Variants in TAFA1 observed in about 807,000 individuals in gnomAD.
TAFA1 encodes the protein TAFA chemokine like family member 1.
In TAFA1, 4 loss-of-function variants were observed where a neutral mutation model predicts 18.5. The ratio of observed to expected loss-of-function variants is 0.22; its 90% CI spans 0.11 to 0.49. TAFA1 has a LOEUF of 0.49. TAFA1 is among the 20% of genes least tolerant of loss of function. The pLI is 0.98. For synonymous variants in TAFA1, 56 were observed against 55.2 expected (o/e 1.01, Z -0.06); for missense variants, 147 against 169.0 (o/e 0.87, Z 0.72).
intron 2 of TAFA1, among the ~76,000 whole-genome samples, chr3:68,078,473 G>A (rs940842860): frequency 2.6e-5 from 4 of 152,276 alleles, no homozygotes; most frequent in Admixed American, 2.0e-4. Flanking sequence ...TTATTATCTT[G>A]AGATACGTCC....
intron 2 of TAFA1, among the ~76,000 whole-genome samples, chr3:68,360,113 A>G (rs1468118123): frequency 1.3e-5 from 2 of 151,918 alleles, no homozygotes; most frequent in African/African-American, 2.4e-5. Flanking sequence ...TTGAACAATA[A>G]AAGTACATAA....
chr3:68,130,171 A>T (rs193233967), intron 2 of TAFA1, among the ~76,000 whole-genome samples: 52 of 152,342 alleles, frequency 3.4e-4, no homozygotes, highest in African/African-American at 1.2e-3. Context: ...GAAGGTAAAG[A>T]ATTAGTGGAC....
intron 2 of TAFA1, among the ~76,000 whole-genome samples, chr3:68,157,544 A>T (rs1031599894): frequency 3.1e-4 from 47 of 152,198 alleles, no homozygotes; most frequent in African/African-American, 1.1e-3. Flanking sequence ...ATGTTTTCTA[A>T]TCAATAGAAA....
chr3:68,512,492 C>T (rs571508864), intron 3 of TAFA1, among the ~76,000 whole-genome samples: 1 of 152,190 alleles, frequency 6.6e-6, no homozygotes, highest in Admixed American at 6.6e-5. Flanking sequence ...GAAGTTCATG[C>T]AATGGCCTGT....
intron 2 of TAFA1, among the ~76,000 whole-genome samples, chr3:68,036,741 C>T (rs941046582): frequency 3.9e-5 from 6 of 152,088 alleles, no homozygotes; most frequent in African/African-American, 1.4e-4. Context: ...ATCTATCTGC[C>T]CTGCCCCCAA....
intron 2 of TAFA1, chr3:68,250,983 T>C (rs1037708955): frequency 5.3e-5 from 8 of 152,128 alleles, no homozygotes; most frequent in Non-Finnish European, 1.0e-4. Context: ...CTTTCAACTT[T>C]TCATTGCTTT....
At chr3:68,484,602 G>T (rs2106665002) in intron 3 of TAFA1, among the ~76,000 whole-genome samples, 1 of 152,294 alleles carries the variant, frequency 6.6e-6, no homozygotes, top group Admixed American at 6.5e-5. Context: ...CTGGGCAGAA[G>T]CAGAATGAGG....
chr3:68,067,184 A>G (rs1032165361), intron 2 of TAFA1, among the ~76,000 whole-genome samples: 1 of 152,194 alleles, frequency 6.6e-6, no homozygotes, highest in Admixed American at 6.5e-5. Flanking sequence ...TCCTTGTGAC[A>G]TCTACATTTT....
intron 2 of TAFA1, among the ~76,000 whole-genome samples, chr3:68,370,023 T>A (rs1312655030): frequency 6.6e-6 from 1 of 151,580 alleles, no homozygotes; most frequent in Non-Finnish European, 1.5e-5. Flanking sequence ...GTGTGGTGGC[T>A]CACTCCTGTA....
At chr3:68,142,963 C>G (rs1388046441) in intron 2 of TAFA1, among the ~76,000 whole-genome samples, 1 of 151,732 alleles carries the variant, frequency 6.6e-6, no homozygotes, top group South Asian at 2.1e-4. Flanking sequence ...CATGTCGTGC[C>G]CCACTTACAG....
At chr3:68,025,765 C>A (rs901655694) in intron 2 of TAFA1, among the ~76,000 whole-genome samples, 1 of 152,176 alleles carries the variant, frequency 6.6e-6, no homozygotes, top group African/African-American at 2.4e-5. Flanking sequence ...CAAGTATCTG[C>A]TCAGATATCA....
chr3:68,283,814 C>G (rs2067946511), intron 2 of TAFA1, among the ~76,000 whole-genome samples: 2 of 152,142 alleles, frequency 1.3e-5, no homozygotes, highest in African/African-American at 4.8e-5. Context: ...TTTATCAGCC[C>G]TCAGCTTCCT....
intron 2 of TAFA1, among the ~76,000 whole-genome samples, chr3:68,273,376 T>A (rs2067715278): frequency 6.6e-6 from 1 of 152,200 alleles, no homozygotes; most frequent in African/African-American, 2.4e-5. Context: ...TAATGTGTTG[T>A]CAGAGCTTGC....
At chr3:68,175,548 T>C (rs907525939) in intron 2 of TAFA1, among the ~76,000 whole-genome samples, 4 of 152,198 alleles carry the variant, frequency 2.6e-5, no homozygotes, top group Non-Finnish European at 5.9e-5. Flanking sequence ...TGCTGGACTT[T>C]GTGCTTGCAT....
chr3:68,304,313 T>C (rs2068366847), intron 2 of TAFA1, among the ~76,000 whole-genome samples: 1 of 152,114 alleles, frequency 6.6e-6, no homozygotes, highest in African/African-American at 2.4e-5. Context: ...ACAAACAAAT[T>C]TGTAAAGTAA....
intron 2 of TAFA1, among the ~76,000 whole-genome samples, chr3:68,185,806 G>A (rs539859324): frequency 6.6e-6 from 1 of 152,150 alleles, no homozygotes; most frequent in South Asian, 2.1e-4. Flanking sequence ...CAGCTACTCA[G>A]GAGGCTGAGA....
chr3:68,287,920 G>C lies in TAFA1; in HGVS notation c.119-129360G>C, dbSNP rs866098039. 5.9e-3 allele frequency among the ~76,000 whole-genome samples: 643 copies of C among 108,382 alleles called. 21 individuals are homozygous for C. The highest frequency in any genetic ancestry group is 0.019 in the African/African-American group (619 of 32,762). 71.1% of individuals were successfully genotyped at this position (108,382 alleles called of 152,430 possible). On this transcript the variant is annotated intron_variant, in intron 2 of 4. Coordinates refer to ENST00000478136, the MANE Select transcript of TAFA1 (RefSeq NM_213609.4). The stretch of plus-strand genomic sequence containing the variant: ...TTTTGTTTTTGTTGGGGGGTGGGGG[G>C]GCTTTTTGAAAATTTTTTTCTGAGT...
At chr3:68,149,233 C>G (rs888430561) in intron 2 of TAFA1, among the ~76,000 whole-genome samples, 1 of 152,116 alleles carries the variant, frequency 6.6e-6, no homozygotes, top group African/African-American at 2.4e-5. Context: ...AGTCACTTTA[C>G]CTGTATGAGG....
intron 2 of TAFA1, among the ~76,000 whole-genome samples, chr3:68,016,807 C>A (rs905369262): frequency 1.3e-5 from 2 of 152,090 alleles, no homozygotes; most frequent in African/African-American, 2.4e-5. Flanking sequence ...ATTCTCATGA[C>A]CCATAATATT....
Sources: gnomAD v4.1 joint callset for allele counts (sites outside exome capture counted in the v4.1 genomes callset) on GRCh38, gnomAD v4.1.1 for gene constraint, MANE v1.5 for transcripts, NCBI Gene and HGNC (gene_info 2026-07-23, HGNC 2026-07-21) for gene names.